Variants in CTIF observed in about 807,000 individuals in gnomAD.
CTIF encodes the protein CBP80/20-dependent translation initiation factor.
CTIF carries 21 observed loss-of-function variants against 66.0 expected under a neutral mutation model. The ratio of observed to expected loss-of-function variants is 0.32; its 90% CI spans 0.23 to 0.46. The LOEUF (loss-of-function observed/expected upper bound fraction) is 0.46. CTIF is among the 20% of genes least tolerant of loss of function. The pLI, the probability that CTIF is intolerant of heterozygous loss-of-function variation, is 1.00. For synonymous variants in CTIF, 345 were observed against 326.4 expected, an observed-to-expected ratio of 1.06 and a Z score of -0.62; for missense variants, 739 against 812.7, an observed-to-expected ratio of 0.91 and a Z score of 1.10.
At chr18:48,724,215 T>A (rs945665501) in intron 7 of CTIF, among the ~76,000 whole-genome samples, 1 of 152,220 alleles carries the variant, frequency 6.6e-6, no homozygotes, top group Non-Finnish European at 1.5e-5. Context: ...GTCCCCCTTG[T>A]AGGTGGACAC....
chr18:48,723,477 A>C (rs1044176306), intron 7 of CTIF, among the ~76,000 whole-genome samples: 1 of 152,160 alleles, frequency 6.6e-6, no homozygotes, highest in African/African-American at 2.4e-5. Flanking sequence ...TGATTCATGA[A>C]TAGACATATT....
rs143867778 is a variant in CTIF, at chr18:48,556,104, G to A, written c.-29+16792G>A. On this transcript the variant is annotated intron_variant, in intron 1 of 11. Coordinates refer to ENST00000256413, the MANE Select transcript of CTIF (RefSeq NM_014772.3). ...TGCAGTTTTAACTCCTGGGCTGCCC[G>A]TTGGTCTTGTCTGTCCTGAGCTGCC... Among the ~76,000 whole-genome samples the A allele has an allele frequency of 1.1e-4, 17 of 152,314 alleles. No homozygotes were observed. In the East Asian group the frequency reaches 2.1e-3, roughly 19 times the overall value.
intron 7 of CTIF, among the ~76,000 whole-genome samples, chr18:48,723,520 C>G (rs958638046): frequency 2.6e-5 from 4 of 152,190 alleles, no homozygotes; most frequent in African/African-American, 9.7e-5. Flanking sequence ...AGGGATTTCC[C>G]AGATTGTGGG....
At chr18:48,790,034 G>T (rs2049581830) in intron 9 of CTIF, among the ~76,000 whole-genome samples, 1 of 152,162 alleles carries the variant, frequency 6.6e-6, no homozygotes, top group African/African-American at 2.4e-5. Flanking sequence ...ATTGCCATGG[G>T]GCCATTGTGA....
chr18:48,761,965 A>G lies in CTIF; in HGVS notation c.1371+276A>G, dbSNP rs918695232. On this transcript the variant is annotated intron_variant, in intron 9 of 11. Coordinates refer to ENST00000256413, the MANE Select transcript of CTIF (RefSeq NM_014772.3). The surrounding 1 kb of genome is among the most constrained non-coding windows in gnomAD (Gnocchi z 4.2). Reference sequence around the variant, plus strand: ...CCAGCCTTTCCCACTTTCTATTTTCATAAGAGGCTGGCTCTTGGTCTCAAC... The same window carrying G: ...CCAGCCTTTCCCACTTTCTATTTTCGTAAGAGGCTGGCTCTTGGTCTCAAC... Among the ~76,000 whole-genome samples, 2 of 152,206 alleles carry G rather than the reference A, an allele frequency of 1.3e-5. No homozygotes were observed. The highest frequency in any genetic ancestry group is 2.9e-5 in the Non-Finnish European group (2 of 68,048).
At chr18:48,712,756 C>T (rs12185475) in intron 7 of CTIF, among the ~76,000 whole-genome samples, 37,918 of 152,128 alleles carry the variant, frequency 0.25, 5,178 homozygotes, top group African/African-American at 0.35. Context: ...TAGGCTGAGA[C>T]CAGGGTCTCT....
At chr18:48,583,011 C>A (rs764941789) in intron 1 of CTIF, among the ~76,000 whole-genome samples, 3 of 152,200 alleles carry the variant, frequency 2.0e-5, no homozygotes, top group Non-Finnish European at 2.9e-5. Flanking sequence ...TCTGGTATGC[C>A]CAGGGTGTGC....
intron 1 of CTIF, among the ~76,000 whole-genome samples, chr18:48,550,906 G>A (rs973754839): frequency 6.6e-6 from 1 of 152,142 alleles, no homozygotes; most frequent in African/African-American, 2.4e-5. Context: ...CCAGTTCCGT[G>A]TGGCACTGCA....
rs191818974 is a variant in CTIF, at chr18:48,586,345, T to C, written c.-28-33193T>C. 3.7e-4 allele frequency among the ~76,000 whole-genome samples: 56 copies of C among 151,854 alleles called. 1 individual carries two copies. The highest frequency in any genetic ancestry group is 3.5e-3 in the Admixed American group (53 of 15,250). On this transcript the variant is annotated intron_variant, in intron 1 of 11. Transcript: ENST00000256413. The stretch of plus-strand genomic sequence containing the variant: ...AGGCTGGAGTGCAGTGGCTCAATCT[T>C]AGCTCACCACAACCTCCTTGATTCA...
intron 1 of CTIF, among the ~76,000 whole-genome samples, chr18:48,584,828 G>A (rs1380905388): frequency 6.6e-6 from 1 of 152,162 alleles, no homozygotes; most frequent in Admixed American, 6.5e-5. Context: ...TCCCCTCTTA[G>A]TGTATTATCA....
intron 9 of CTIF, among the ~76,000 whole-genome samples, chr18:48,790,924 T>A (rs1190086921): frequency 2.6e-5 from 4 of 152,168 alleles, no homozygotes; most frequent in South Asian, 4.1e-4. Flanking sequence ...TGGACCCTCC[T>A]CTAGCCAGCT....
intron 6 of CTIF, among the ~76,000 whole-genome samples, chr18:48,688,002 G>C (rs949973410): frequency 6.6e-6 from 1 of 152,034 alleles, no homozygotes; most frequent in Non-Finnish European, 1.5e-5. Context: ...TAGAACTTCT[G>C]GTAGCTTTAA....
intron 1 of CTIF, among the ~76,000 whole-genome samples, chr18:48,575,517 G>T (rs2089511009): frequency 6.6e-6 from 1 of 152,232 alleles, no homozygotes. Context: ...CTGGATTACA[G>T]CAGCGCACTG....
chr18:48,635,853 C>T (rs1568092005), intron 2 of CTIF, among the ~76,000 whole-genome samples: 2 of 152,206 alleles, frequency 1.3e-5, no homozygotes, highest in Non-Finnish European at 2.9e-5. Context: ...CATGGCTCTC[C>T]TCATTTTATA....
intron 9 of CTIF, among the ~76,000 whole-genome samples, chr18:48,813,584 G>A (rs1282717627): frequency 6.6e-6 from 1 of 152,208 alleles, no homozygotes; most frequent in Non-Finnish European, 1.5e-5. Flanking sequence ...TAAAGCTGGA[G>A]GGTGGCTTCA....
chr18:48,675,087 A>G (rs907485513), intron 6 of CTIF, among the ~76,000 whole-genome samples: 5 of 151,972 alleles, frequency 3.3e-5, no homozygotes, highest in Admixed American at 6.6e-5. Flanking sequence ...GGGGCAGCAG[A>G]AGGCTCTGAG....
At chr18:48,739,056 A>G (rs2092530837) in intron 7 of CTIF, among the ~76,000 whole-genome samples, 1 of 152,138 alleles carries the variant, frequency 6.6e-6, no homozygotes, top group African/African-American at 2.4e-5. Flanking sequence ...GTCAGCTCCC[A>G]CTGTCCACCC....
chr18:48,573,749 G>A (rs908005362), intron 1 of CTIF, among the ~76,000 whole-genome samples: 4 of 152,172 alleles, frequency 2.6e-5, no homozygotes, highest in African/African-American at 9.7e-5. Flanking sequence ...TCAGGTCAGC[G>A]GACAAGGGCC....
At chr18:48,766,551 G>A (rs1909558946) in intron 9 of CTIF, among the ~76,000 whole-genome samples, 1 of 152,250 alleles carries the variant, frequency 6.6e-6, no homozygotes, top group Non-Finnish European at 1.5e-5. Flanking sequence ...AGTTGAATTA[G>A]ATTCTCCAAG....
Sources: allele counts gnomAD v4.1 joint callset (sites outside exome capture counted in the v4.1 genomes callset), GRCh38; gene constraint gnomAD v4.1.1; non-coding constraint Gnocchi (gnomAD v3.1); transcripts MANE v1.5; gene names NCBI Gene and HGNC (gene_info 2026-07-23, HGNC 2026-07-21).